Variants in TSPEAR observed in about 807,000 individuals in gnomAD.
TSPEAR encodes the protein thrombospondin type laminin G domain and EAR repeats, also known as thrombospondin-type laminin G domain and EAR repeat-containing protein.
TSPEAR carries 69 observed loss-of-function variants against 71.6 expected under a neutral mutation model. The ratio of observed to expected loss-of-function variants is 0.96; its 90% CI spans 0.79 to 1.18. TSPEAR has a LOEUF of 1.18. TSPEAR is among the 50% of genes most tolerant of loss of function. The pLI is 0.00. For synonymous variants in TSPEAR, 402 were observed against 387.2 expected, an observed-to-expected ratio of 1.04 and a Z score of -0.45; for missense variants, 971 against 894.9, an observed-to-expected ratio of 1.09 and a Z score of -1.09.
rs782544433 is a variant in TSPEAR, at chr21:44,647,011, C to A, written c.82+64422G>T. The A allele has an allele frequency of 1.9e-6, 3 of 1,613,012 alleles. No homozygotes were observed. In the East Asian group the frequency reaches 6.7e-5, roughly 36 times the overall value. On this transcript the variant is annotated intron_variant, in intron 1 of 11. Coordinates refer to ENST00000323084, the MANE Select transcript of TSPEAR (RefSeq NM_144991.3). ...AGCTTGCTGCACCTCCTCCTCCTAC[C>A]AGCAGGCCTGCTGCGTGCCTGTCTG...
chr21:44,548,085 A>G (rs1207782958), intron 2 of TSPEAR, among the ~76,000 whole-genome samples: 1 of 152,188 alleles, frequency 6.6e-6, no homozygotes, highest in Non-Finnish European at 1.5e-5. Context: ...TAATGTTCTG[A>G]CAAAGCCTCA....
chr21:44,543,588 G>T (rs587742047), intron 2 of TSPEAR, among the ~76,000 whole-genome samples: 1 of 152,314 alleles, frequency 6.6e-6, no homozygotes, highest in South Asian at 2.1e-4. Context: ...GGATCATAGT[G>T]AACCTTAAAT....
chr21:44,665,429 G>T (rs1211412982), intron 1 of TSPEAR, among the ~76,000 whole-genome samples: 1 of 152,226 alleles, frequency 6.6e-6, no homozygotes, highest in Non-Finnish European at 1.5e-5. Context: ...ATACAGCCCA[G>T]ACAGGGGAAA....
chr21:44,647,710 G>T, intron 1 of TSPEAR: 1 of 334,030 alleles, frequency 3.0e-6, no homozygotes, highest in Admixed American at 4.3e-5. Context: ...TCCAAATTTG[G>T]GGTGTGGGAC....
chr21:44,650,203 A>G (rs1166029423), intron 1 of TSPEAR, among the ~76,000 whole-genome samples: 1 of 140,606 alleles, frequency 7.1e-6, no homozygotes, highest in Non-Finnish European at 1.6e-5. Flanking sequence ...GTGACCAGGC[A>G]AGACCCTCTC....
rs781929589 is a variant in TSPEAR, at chr21:44,645,545, G to T, written c.82+65888C>A. Among the ~76,000 whole-genome samples the T allele has an allele frequency of 2.6e-5, 4 of 151,676 alleles. No individual in the cohort carries two copies. The South Asian group carries it at 6.3e-4, about 24-fold the overall frequency. On this transcript the variant is annotated intron_variant, in intron 1 of 11. Transcript: ENST00000323084. ...TTTTTTGTATTTTTAGTAGAGACCG[G>T]GTTTCACCATGCTGGCCAGGCTGGT... is the stretch of plus-strand genomic sequence containing the variant.
intron 1 of TSPEAR, chr21:44,697,488 C>A: frequency 6.2e-7 from 1 of 1,613,816 alleles, no homozygotes; most frequent in East Asian, 2.2e-5. Context: ...GCTTGCTGCA[C>A]CTCCTCCCCC....
At chr21:44,609,708 G>A (rs1325471227) in intron 1 of TSPEAR, among the ~76,000 whole-genome samples, 2 of 152,066 alleles carry the variant, frequency 1.3e-5, no homozygotes, top group East Asian at 1.9e-4. Flanking sequence ...ACTCCAAGAG[G>A]GGAAAAACAT....
At chr21:44,554,953 G>A (rs1256468601) in intron 2 of TSPEAR, among the ~76,000 whole-genome samples, 6 of 152,134 alleles carry the variant, frequency 3.9e-5, no homozygotes, top group African/African-American at 1.2e-4. Context: ...AGAAATTCTC[G>A]AATTGCGGTT....
intron 1 of TSPEAR, chr21:44,690,432 C>T: frequency 2.1e-6 from 1 of 486,890 alleles, no homozygotes; most frequent in Non-Finnish European, 2.7e-6. Context: ...AAGTGGTTCC[C>T]ATGGGCTTCC....
intron 2 of TSPEAR, among the ~76,000 whole-genome samples, chr21:44,553,758 G>C (rs41484844): frequency 0.016 from 2,408 of 152,146 alleles, 68 homozygotes; most frequent in African/African-American, 0.055. Context: ...CAATGTAGAA[G>C]ACCTAAGAAC....
intron 1 of TSPEAR, among the ~76,000 whole-genome samples, chr21:44,576,182 T>A (rs1555923959): frequency 6.6e-6 from 1 of 152,214 alleles, no homozygotes; most frequent in African/African-American, 2.4e-5. Flanking sequence ...GCCCGGGAAC[T>A]CAGCCGCAGT....
At position 44,553,410 on chromosome 21, in the gene TSPEAR, G is replaced by A. The variant is rs587720973; in HGVS notation, c.303+14375C>T. 2.6e-5 allele frequency among the ~76,000 whole-genome samples: 4 copies of A among 152,194 alleles called. No homozygotes were observed. In the South Asian group the frequency reaches 6.2e-4, roughly 24 times the overall value. On this transcript the variant is annotated intron_variant, in intron 2 of 11. Coordinates refer to ENST00000323084, the MANE Select transcript of TSPEAR (RefSeq NM_144991.3). ...TACCAAATTTAATACCAAACAGCTG[G>A]ATTAAAAATTCACATCAGAAGCAGA...
intron 1 of TSPEAR, chr21:44,592,492 T>A (rs201955295): frequency 1.2e-4 from 197 of 1,602,784 alleles, no homozygotes; most frequent in Non-Finnish European, 1.6e-4. Flanking sequence ...CATGCTGGGG[T>A]TGAACTGGTG....
At chr21:44,505,970 C>A (rs1459081853) in intron 10 of TSPEAR, among the ~76,000 whole-genome samples, 4 of 152,184 alleles carry the variant, frequency 2.6e-5, no homozygotes, top group African/African-American at 9.7e-5. Flanking sequence ...CCGCTCTGGA[C>A]ACTGTGCAGA....
chr21:44,628,683 G>A (rs1983059607), intron 1 of TSPEAR, among the ~76,000 whole-genome samples: 1 of 152,072 alleles, frequency 6.6e-6, no homozygotes, highest in Non-Finnish European at 1.5e-5. Flanking sequence ...GCAAGGGTTG[G>A]GGCTGTCCCG....
At chr21:44,527,257 A>G (rs1569165431) in intron 7 of TSPEAR, 35 bp downstream of exon 7, 1 of 1,611,182 alleles carries the variant, frequency 6.2e-7, no homozygotes, top group Non-Finnish European at 8.5e-7. Context: ...TTCCAAGAGA[A>G]AGGGGATGGA....
intron 1 of TSPEAR, among the ~76,000 whole-genome samples, chr21:44,679,084 T>C (rs1555947512): frequency 6.6e-6 from 1 of 152,214 alleles, no homozygotes; most frequent in Non-Finnish European, 1.5e-5. Flanking sequence ...TTATGGTATA[T>C]AAGCCTTGGG....
intron 1 of TSPEAR, among the ~76,000 whole-genome samples, chr21:44,689,417 G>C (rs1366571725): frequency 6.6e-6 from 1 of 151,412 alleles, no homozygotes; most frequent in Non-Finnish European, 1.5e-5. Flanking sequence ...CAGGAGAATG[G>C]CGTGAACCTG....
Sources: gnomAD v4.1 joint callset for allele counts (sites outside exome capture counted in the v4.1 genomes callset) on GRCh38, gnomAD v4.1.1 for gene constraint, MANE v1.5 for transcripts, NCBI Gene and HGNC (gene_info 2026-07-23, HGNC 2026-07-21) for gene names.